The following PIK3C2G variants were observed in gnomAD, a reference collection of about 807,000 sequenced individuals.
PIK3C2G encodes the protein phosphatidylinositol-4-phosphate 3-kinase catalytic subunit type 2 gamma.
Under a neutral mutation model 181.1 loss-of-function variants are expected in PIK3C2G, and 168 were observed. The observed-to-expected ratio is 0.93, with a 90% confidence interval of 0.82 to 1.05. The LOEUF is 1.05. Ranked by LOEUF, PIK3C2G falls within the 50% of genes least tolerant of loss-of-function variation. The pLI, the probability that PIK3C2G is intolerant of heterozygous loss-of-function variation, is 0.00. For missense variants in PIK3C2G, 1,869 were observed against 1,732.8 expected, an observed-to-expected ratio of 1.08 and a Z score of -1.40; for synonymous variants, 573 against 592.2, an observed-to-expected ratio of 0.97 and a Z score of 0.47.
intron 18 of PIK3C2G, among the ~76,000 whole-genome samples, chr12:18,471,491 T>A (rs936009032): frequency 4.6e-5 from 7 of 152,180 alleles, no homozygotes; most frequent in African/African-American, 1.7e-4. Context: ...TCTTGTCCAA[T>A]TTTTCAGGTA....
the PIK3C2G span, among the ~76,000 whole-genome samples, chr12:18,684,888 C>T: frequency 6.6e-6 from 1 of 151,878 alleles, no homozygotes; most frequent in Non-Finnish European, 1.5e-5. Context: ...CTCATGAGAT[C>T]TGATGGTTTT....
intron 22 of PIK3C2G, among the ~76,000 whole-genome samples, chr12:18,498,745 C>T (rs1319262389): frequency 1.3e-5 from 2 of 152,238 alleles, no homozygotes; most frequent in East Asian, 1.9e-4. Flanking sequence ...CACTTAATAC[C>T]TTACAATGAC....
At chr12:18,556,384 G>A (rs1945014622) in intron 26 of PIK3C2G, among the ~76,000 whole-genome samples, 1 of 152,076 alleles carries the variant, frequency 6.6e-6, no homozygotes, top group African/African-American at 2.4e-5. Flanking sequence ...ATGGATTTGA[G>A]TGAAAGTCTG....
At chr12:18,703,692 G>GT in the PIK3C2G span, among the ~76,000 whole-genome samples, 1 of 152,130 alleles carries the variant, frequency 6.6e-6, no homozygotes, top group African/African-American at 2.4e-5. Flanking sequence ...CTGTAATTCT[G>GT]TTCTGTACCT....
At chr12:18,281,693 A>G (rs747766306) in intron 1 of PIK3C2G, among the ~76,000 whole-genome samples, 2 of 152,058 alleles carry the variant, frequency 1.3e-5, no homozygotes, top group African/African-American at 2.4e-5. Flanking sequence ...CTCTGTAGTC[A>G]AATGATAAGT....
At chr12:18,255,712 A>C (rs1948139509) in intron 1 of PIK3C2G, among the ~76,000 whole-genome samples, 2 of 152,212 alleles carry the variant, frequency 1.3e-5, no homozygotes, top group Admixed American at 6.5e-5. Flanking sequence ...AAGGCTTGAA[A>C]AGATGGCCTT....
intron 24 of PIK3C2G, among the ~76,000 whole-genome samples, chr12:18,509,451 C>T (rs935457667): frequency 6.6e-6 from 1 of 152,238 alleles, no homozygotes; most frequent in Non-Finnish European, 1.5e-5. Flanking sequence ...TCTCACTGGG[C>T]TGCTGCCCTT....
exon 1 of PIK3C2G, chr12:18,247,982 T>G (rs1488655058): frequency 1.3e-5 from 2 of 151,948 alleles, no homozygotes; most frequent in Non-Finnish European, 2.9e-5. Context: ...TGAGAATTGT[T>G]GAGAAGCAGA....
At chr12:18,375,524 G>A (rs1030653350) in intron 13 of PIK3C2G, among the ~76,000 whole-genome samples, 4 of 152,222 alleles carry the variant, frequency 2.6e-5, no homozygotes, top group African/African-American at 9.6e-5. Context: ...GAAGCAGAGT[G>A]TAAAAGTTTG....
At chr12:18,399,151 C>T (rs1192006380) in intron 15 of PIK3C2G, among the ~76,000 whole-genome samples, 12 of 145,038 alleles carry the variant, frequency 8.3e-5, no homozygotes, top group South Asian at 2.2e-4. Flanking sequence ...GCCGAGATCC[C>T]GCCACTGCAC....
chr12:18,460,888 G>C (rs376780258), intron 18 of PIK3C2G, among the ~76,000 whole-genome samples: 3 of 151,524 alleles, frequency 2.0e-5, no homozygotes, highest in East Asian at 3.9e-4. Context: ...CACTTTCTGG[G>C]GTCTGCTTTC....
intron 18 of PIK3C2G, among the ~76,000 whole-genome samples, chr12:18,478,925 T>C (rs1002070277): frequency 2.0e-5 from 3 of 150,512 alleles, no homozygotes; most frequent in Non-Finnish European, 3.0e-5. Flanking sequence ...CAGTTAGCCA[T>C]GATCACACCA....
chr12:18,468,650 T>C (rs561157501), intron 18 of PIK3C2G, among the ~76,000 whole-genome samples: 1 of 152,198 alleles, frequency 6.6e-6, no homozygotes, highest in South Asian at 2.1e-4. Context: ...AATACCACAT[T>C]GTGATTCATT....
At chr12:18,531,429 C>T (rs1347038790) in intron 24 of PIK3C2G, among the ~76,000 whole-genome samples, 1 of 152,158 alleles carries the variant, frequency 6.6e-6, no homozygotes, top group Non-Finnish European at 1.5e-5. Flanking sequence ...CAGTACAGTT[C>T]CTGCAACCAG....
At chr12:18,380,830 AT>A (rs909246933) in intron 13 of PIK3C2G, among the ~76,000 whole-genome samples, 11 of 152,290 alleles carry the variant, frequency 7.2e-5, no homozygotes, top group African/African-American at 2.4e-4. Flanking sequence ...TATTTGTTGA[AT>A]TTTTTCCTCA....
intron 18 of PIK3C2G, among the ~76,000 whole-genome samples, chr12:18,478,819 T>G (rs916433562): frequency 6.6e-6 from 1 of 151,652 alleles, no homozygotes; most frequent in Non-Finnish European, 1.5e-5. Flanking sequence ...TACAAAAAAT[T>G]TAAAAATTAC....
intron 31 of PIK3C2G, among the ~76,000 whole-genome samples, chr12:18,626,172 A>C (rs1949088686): frequency 6.6e-6 from 1 of 151,156 alleles, no homozygotes; most frequent in Non-Finnish European, 1.5e-5. Flanking sequence ...CAATATTTTT[A>C]TTTGTGTTTT....
chr12:18,491,337 G>C (rs1940550012), intron 19 of PIK3C2G, 114 bp from the exon 20 acceptor site: 7 of 610,700 alleles, frequency 1.1e-5, no homozygotes, highest in Non-Finnish European at 2.0e-5. Context: ...AGTCATCCAA[G>C]TGTGTAACCC....
At chr12:18,309,728 G>C (rs1367771793) in intron 5 of PIK3C2G, among the ~76,000 whole-genome samples, 1 of 151,712 alleles carries the variant, frequency 6.6e-6, no homozygotes, top group African/African-American at 2.4e-5. Flanking sequence ...ATTTTATCAA[G>C]GATATTTTTA....
Sources: allele counts gnomAD v4.1 joint callset (sites outside exome capture counted in the v4.1 genomes callset), GRCh38; gene constraint gnomAD v4.1.1; transcripts MANE v1.5; gene names NCBI Gene and HGNC (gene_info 2026-07-23, HGNC 2026-07-21).